Variants in DAB1 observed in about 807,000 individuals in gnomAD.
DAB1 encodes the protein DAB adaptor protein 1, also known as disabled homolog 1.
Under a neutral mutation model 64.6 loss-of-function variants are expected in DAB1, and 15 were observed. The ratio of observed to expected loss-of-function variants is 0.23; its 90% CI spans 0.16 to 0.36. The LOEUF is 0.36. Among genes scored for constraint, DAB1 ranks in the 10% least tolerant of loss-of-function variants. The pLI, the probability that DAB1 is intolerant of heterozygous loss-of-function variation, is 1.00. For missense variants in DAB1, 596 were observed against 706.7 expected, an observed-to-expected ratio of 0.84 and a Z score of 1.78; for synonymous variants, 235 against 251.9, an observed-to-expected ratio of 0.93 and a Z score of 0.64.
At chr1:57,576,421 A>G (rs72676955) in intron 7 of DAB1, among the ~76,000 whole-genome samples, 3,780 of 152,360 alleles carry the variant, frequency 0.025, 61 homozygotes, top group Non-Finnish European at 0.037. Flanking sequence ...CATTAATCCA[A>G]TATGACTGCT....
chr1:57,632,500 C>T (rs566688056), intron 7 of DAB1, among the ~76,000 whole-genome samples: 1 of 152,234 alleles, frequency 6.6e-6, no homozygotes, highest in Admixed American at 6.5e-5. Flanking sequence ...GAAGCTAAAA[C>T]GCTAAGACAG....
At position 57,067,944 on chromosome 1, in the gene DAB1, T is replaced by TG. The variant is rs1237934041; in HGVS notation, c.663+1415dup. ...ACTGACTCTGAGAAGGTAAGTGCCT[T>TG]GCCCACTACCACTTAGCCAAAGGTA... On this transcript the variant is annotated intron_variant, in intron 8 of 14. Coordinates refer to ENST00000371236, the MANE Select transcript of DAB1 (RefSeq NM_001365792.1). Among the ~76,000 whole-genome samples, 5 of 152,298 alleles carry TG rather than the reference T, an allele frequency of 3.3e-5. No homozygotes were observed. In the East Asian group the frequency reaches 9.7e-4, roughly 29 times the overall value.
At chr1:57,084,655 A>T (rs1018994028) in intron 4 of DAB1, among the ~76,000 whole-genome samples, 7 of 152,140 alleles carry the variant, frequency 4.6e-5, no homozygotes, top group African/African-American at 1.7e-4. Context: ...TAATTTTTCA[A>T]TCTGTAAAAT....
chr1:58,417,221 A>C (rs2100214412), intron 3 of DAB1, among the ~76,000 whole-genome samples: 1 of 152,318 alleles, frequency 6.6e-6, no homozygotes, highest in South Asian at 2.1e-4. Flanking sequence ...ACAACCAATA[A>C]AAACCAGCTG....
chr1:57,665,849 C>CTT (rs748074939), intron 6 of DAB1, among the ~76,000 whole-genome samples: 1 of 137,174 alleles, frequency 7.3e-6, no homozygotes, highest in Admixed American at 7.4e-5. Context: ...TTTTAATTAT[C>CTT]TGTGTGTGTG....
At chr1:58,507,915 G>A (rs984888928) in intron 2 of DAB1, among the ~76,000 whole-genome samples, 1 of 152,020 alleles carries the variant, frequency 6.6e-6, no homozygotes, top group Non-Finnish European at 1.5e-5. Flanking sequence ...TCTGAAAACT[G>A]GAAGATAAAC....
At chr1:57,820,320 C>G (rs1442858676) in intron 6 of DAB1, among the ~76,000 whole-genome samples, 2 of 152,172 alleles carry the variant, frequency 1.3e-5, no homozygotes, top group African/African-American at 2.4e-5. Flanking sequence ...ACTGAAAAGA[C>G]AGCCCAGCTC....
chr1:58,425,460 A>C (rs1031278110), intron 3 of DAB1, among the ~76,000 whole-genome samples: 1 of 152,204 alleles, frequency 6.6e-6, no homozygotes, highest in African/African-American at 2.4e-5. Flanking sequence ...ATTCTGCCGT[A>C]GAGTTTTATG....
chr1:57,292,382 T>G (rs760709015), intron 1 of DAB1, among the ~76,000 whole-genome samples: 1 of 152,136 alleles, frequency 6.6e-6, no homozygotes, highest in African/African-American at 2.4e-5. Flanking sequence ...AAAAAGGAAA[T>G]GGCCCAAATG....
chr1:58,084,192 C>G (rs1246658284), intron 5 of DAB1, among the ~76,000 whole-genome samples: 1 of 152,150 alleles, frequency 6.6e-6, no homozygotes, highest in Admixed American at 6.5e-5. Context: ...GCTTGCCCCT[C>G]ATAGCATTGC....
intron 2 of DAB1, among the ~76,000 whole-genome samples, chr1:57,158,181 A>T (rs1268011885): frequency 6.6e-6 from 1 of 152,178 alleles, no homozygotes; most frequent in East Asian, 1.9e-4. Flanking sequence ...TGGCACATGG[A>T]AGTCATTCAG....
At chr1:57,099,403 G>A (rs1557717614) in intron 4 of DAB1, among the ~76,000 whole-genome samples, 1 of 152,202 alleles carries the variant, frequency 6.6e-6, no homozygotes, top group Non-Finnish European at 1.5e-5. Context: ...GTAGCTGTAG[G>A]GGTAGCAGTA....
intron 1 of DAB1, among the ~76,000 whole-genome samples, chr1:57,294,476 A>T (rs74962740): frequency 6.9e-6 from 1 of 144,012 alleles, no homozygotes; most frequent in Non-Finnish European, 1.5e-5. Context: ...TTTTTTTTTT[A>T]AACAAAGCAT....
intron 2 of DAB1, among the ~76,000 whole-genome samples, chr1:57,175,786 G>A (rs758714436): frequency 9.2e-5 from 14 of 152,168 alleles, no homozygotes; most frequent in South Asian, 2.1e-4. Context: ...AATGCAGAGC[G>A]TACCAGGTAC....
chr1:57,266,299 T>C (rs1430199219), intron 2 of DAB1, among the ~76,000 whole-genome samples: 2 of 152,216 alleles, frequency 1.3e-5, no homozygotes, highest in African/African-American at 4.8e-5. Context: ...CTGGCTTTTG[T>C]TTCCCATGCC....
intron 3 of DAB1, among the ~76,000 whole-genome samples, chr1:57,142,625 C>T (rs910155659): frequency 8.7e-5 from 13 of 148,680 alleles, no homozygotes; most frequent in African/African-American, 3.4e-4. Context: ...CACACACACA[C>T]ACACATACAC....
At chr1:57,748,807 C>T (rs750480979) in intron 6 of DAB1, among the ~76,000 whole-genome samples, 10 of 152,116 alleles carry the variant, frequency 6.6e-5, no homozygotes, top group Non-Finnish European at 1.0e-4. Context: ...TAGCAATATC[C>T]ACCCATGTTC....
intron 3 of DAB1, among the ~76,000 whole-genome samples, chr1:58,351,126 C>T (rs536823971): frequency 1.4e-4 from 22 of 152,204 alleles, no homozygotes; most frequent in African/African-American, 4.6e-4. Context: ...TGTCCTCCCT[C>T]ATTTCTTTGA....
rs978669702 is a variant in DAB1, at chr1:58,165,096, C to T, written n.310-14508G>A. The stretch of plus-strand genomic sequence containing the variant: ...AACAAATGCTCCTTTTGAAAGGGGC[C>T]CGGACCCCCTAGCTCACCAAGGTCC... On this transcript the variant is annotated intron_variant and non_coding_transcript_variant, in intron 4 of 20. Coordinates refer to the DAB1 transcript ENST00000485760. 3.3e-5 allele frequency among the ~76,000 whole-genome samples: 5 copies of T among 152,030 alleles called. No individual in the cohort carries two copies. The East Asian group carries it at 9.6e-4, about 29-fold the overall frequency.
Sources: allele counts gnomAD v4.1 joint callset (sites outside exome capture counted in the v4.1 genomes callset), GRCh38; gene constraint gnomAD v4.1.1; transcripts MANE v1.5; gene names NCBI Gene and HGNC (gene_info 2026-07-23, HGNC 2026-07-21).